Variants in VPS13B observed in about 807,000 individuals in gnomAD.
The protein encoded by VPS13B is vacuolar protein sorting 13 homolog B.
A neutral mutation model predicts 426.4 loss-of-function variants in VPS13B; 285 were observed. That is an observed-to-expected ratio of 0.67 (90% CI 0.61 to 0.74). VPS13B has a LOEUF of 0.74. Ranked by LOEUF, VPS13B falls within the 30% of genes least tolerant of loss-of-function variation. VPS13B has a pLI of 0.00. For missense variants in VPS13B, 4,537 were observed against 4,782.6 expected, an observed-to-expected ratio of 0.95 and a Z score of 1.51; for synonymous variants, 1,676 against 1,676.4, an observed-to-expected ratio of 1.00 and a Z score of 0.01.
intron 3 of VPS13B, among the ~76,000 whole-genome samples, chr8:99,087,265 G>C (rs958758521): frequency 6.6e-6 from 1 of 152,192 alleles, no homozygotes; most frequent in Non-Finnish European, 1.5e-5. Flanking sequence ...CCATGTGCGG[G>C]ATTTAATCTC....
chr8:99,036,222 T>C (rs1842739114), intron 2 of VPS13B, among the ~76,000 whole-genome samples: 1 of 152,136 alleles, frequency 6.6e-6, no homozygotes, highest in Non-Finnish European at 1.5e-5. Context: ...TCTCTGTTAT[T>C]TTATAATACC....
intron 12 of VPS13B, among the ~76,000 whole-genome samples, chr8:99,141,874 C>G (rs1810440706): frequency 7.3e-6 from 1 of 136,282 alleles, no homozygotes; most frequent in Non-Finnish European, 1.6e-5. Flanking sequence ...GAAACCCTGT[C>G]TCTACTAAAA....
At chr8:99,428,795 A>T (rs1816899576) in intron 21 of VPS13B, among the ~76,000 whole-genome samples, 1 of 152,212 alleles carries the variant, frequency 6.6e-6, no homozygotes, top group African/African-American at 2.4e-5. Context: ...TGCCCAAAGT[A>T]TTATAAATCA....
intron 19 of VPS13B, among the ~76,000 whole-genome samples, chr8:99,381,475 C>T (rs76293077): frequency 1.3e-5 from 2 of 152,082 alleles, no homozygotes; most frequent in Non-Finnish European, 2.9e-5. Flanking sequence ...TTTGAGGAAT[C>T]GCCACACTGT....
chr8:99,337,515 A>G (rs1189089091), intron 19 of VPS13B, among the ~76,000 whole-genome samples: 8 of 152,046 alleles, frequency 5.3e-5, no homozygotes, highest in African/African-American at 1.9e-4. Flanking sequence ...AAGTATAATA[A>G]AAAAGATTCC....
chr8:99,212,689 T>TA (rs1423605363), intron 17 of VPS13B, among the ~76,000 whole-genome samples: 2 of 152,218 alleles, frequency 1.3e-5, no homozygotes, highest in Non-Finnish European at 2.9e-5. Context: ...GTGCTGCTCC[T>TA]ACTTTTATTT....
intron 61 of VPS13B, chr8:99,873,158 T>G (rs1817518265): frequency 6.6e-6 from 1 of 152,226 alleles, no homozygotes; most frequent in Admixed American, 6.5e-5. Flanking sequence ...ACCATCATGA[T>G]TCCTTAGCTG....
chr8:99,316,554 C>A (rs1213270004), intron 19 of VPS13B, among the ~76,000 whole-genome samples: 1 of 152,172 alleles, frequency 6.6e-6, no homozygotes, highest in Admixed American at 6.5e-5. Flanking sequence ...ACTAGAATTA[C>A]AGGGATCTGT....
At chr8:99,827,920 T>G (rs1203037340) in intron 51 of VPS13B, among the ~76,000 whole-genome samples, 2 of 152,236 alleles carry the variant, frequency 1.3e-5, no homozygotes, top group African/African-American at 4.8e-5. Flanking sequence ...TCCTGAGTTC[T>G]AATTGCACTG....
At chr8:99,629,520 A>G (rs1828751443) in intron 33 of VPS13B, among the ~76,000 whole-genome samples, 1 of 152,226 alleles carries the variant, frequency 6.6e-6, no homozygotes, top group Non-Finnish European at 1.5e-5. Context: ...TAGGGAAGAG[A>G]GCAGTTATTG....
chr8:99,407,005 A>C (rs968718513), intron 21 of VPS13B, among the ~76,000 whole-genome samples: 1 of 152,224 alleles, frequency 6.6e-6, no homozygotes, highest in African/African-American at 2.4e-5. Context: ...AGTTGAACAG[A>C]GTTTCAGAGA....
rs386834084 is a variant in VPS13B, at chr8:99,511,137, CA to C, written c.4259del (p.Gln1420ArgfsTer7). ...AAAACTTCTAGATGGCACTCATCAGCAGCATGGATTCCTCTCTCTGACATAC... is the reference window on the plus strand; with the variant it reads ...AAAACTTCTAGATGGCACTCATCAGCGCATGGATTCCTCTCTCTGACATAC... ...TTKLLDGTHQ[Q>X]HGFLSLTYTK... On this transcript the variant is annotated frameshift_variant, in exon 29 of 62. Coordinates refer to ENST00000357162, the MANE Select transcript of VPS13B (RefSeq NM_152564.5). LOFTEE classifies it high-confidence loss of function. 8 of 1,613,620 alleles carry C rather than the reference CA, an allele frequency of 5.0e-6. No individual in the cohort carries two copies. The highest frequency in any genetic ancestry group is 5.9e-6 in the Non-Finnish European group (7 of 1,179,984).
intron 44 of VPS13B, among the ~76,000 whole-genome samples, chr8:99,813,869 TA>T (rs1813867378): frequency 1.3e-5 from 2 of 152,220 alleles, no homozygotes; most frequent in African/African-American, 4.8e-5. Flanking sequence ...CGTAGTGGCT[TA>T]TGCCTATGAT....
chr8:99,843,634 G>A (rs915517376), intron 54 of VPS13B, among the ~76,000 whole-genome samples: 4 of 152,208 alleles, frequency 2.6e-5, no homozygotes, highest in African/African-American at 9.6e-5. Flanking sequence ...CTTGCCTATG[G>A]CAGTTCTGAA....
chr8:99,137,109 A>G (rs1810110413), intron 12 of VPS13B, among the ~76,000 whole-genome samples: 1 of 152,138 alleles, frequency 6.6e-6, no homozygotes, highest in Non-Finnish European at 1.5e-5. Flanking sequence ...TTTTAATTAA[A>G]AAGAATGTGT....
intron 5 of VPS13B, among the ~76,000 whole-genome samples, chr8:99,106,221 C>A (rs1314475691): frequency 6.6e-6 from 1 of 151,714 alleles, no homozygotes; most frequent in Non-Finnish European, 1.5e-5. Flanking sequence ...CCCCTGAGGT[C>A]AGGAGTTTGA....
At chr8:99,759,281 C>T (rs571593686) in intron 39 of VPS13B, among the ~76,000 whole-genome samples, 1 of 152,292 alleles carries the variant, frequency 6.6e-6, no homozygotes, top group Admixed American at 6.5e-5. Flanking sequence ...ATTATTCCAG[C>T]ATCTTAAGCT....
At chr8:99,546,539 C>A (rs1823986846) in intron 30 of VPS13B, among the ~76,000 whole-genome samples, 1 of 152,016 alleles carries the variant, frequency 6.6e-6, no homozygotes, top group South Asian at 2.1e-4. Flanking sequence ...TCATCAGCAT[C>A]TGTAAAATGA....
At chr8:99,022,003 T>G (rs922876447) in intron 2 of VPS13B, among the ~76,000 whole-genome samples, 2 of 152,250 alleles carry the variant, frequency 1.3e-5, no homozygotes, top group Admixed American at 1.3e-4. Flanking sequence ...GCTCGTAATT[T>G]GTATTTTTTT....
Sources: gnomAD v4.1 joint callset for allele counts (sites outside exome capture counted in the v4.1 genomes callset) on GRCh38, gnomAD v4.1.1 for gene constraint, MANE v1.5 for transcripts, NCBI Gene and HGNC (gene_info 2026-07-23, HGNC 2026-07-21) for gene names.